SOS1: variants seen among roughly 807,000 people sequenced by gnomAD.
The protein encoded by SOS1 is son of sevenless homolog 1.
Under a neutral mutation model 157.6 loss-of-function variants are expected in SOS1, and 25 were observed. The observed-to-expected ratio is 0.16, with a 90% CI of 0.12 to 0.22. SOS1 has a LOEUF of 0.22. Ranked by LOEUF, SOS1 falls within the 10% of genes least tolerant of loss-of-function variation. The pLI, the probability that SOS1 is intolerant of heterozygous loss-of-function variation, is 1.00. For synonymous variants in SOS1, 528 were observed against 534.0 expected (o/e 0.99, Z 0.16); for missense variants, 1,237 against 1,599.1 (o/e 0.77, Z 3.86).
intron 1 of SOS1, among the ~76,000 whole-genome samples, chr2:39,069,448 C>T (rs530140468): frequency 2.6e-5 from 4 of 152,198 alleles, no homozygotes; most frequent in African/African-American, 9.6e-5. Context: ...TATATACATA[C>T]GTATGCATTC....
Position 38,995,144 on chromosome 2 carries a change from G to A in SOS1, c.3325C>T (p.His1109Tyr), listed in dbSNP as rs1452455488. 1.9e-6 allele frequency: 3 copies of A among 1,613,958 alleles called. No homozygotes were observed. Among genetic ancestry groups the A allele is most frequent in the Non-Finnish European group, 2.5e-6 (3 of 1,179,900 alleles). Residue 1109 changes from histidine (H) to tyrosine (Y), a missense_variant, in exon 20 of 23, where the codon CAT becomes TAT. His to Tyr is a moderately conservative substitution (Grantham distance 83). Around this residue, in one of 15 missense-constraint regions of SOS1, gnomAD observed 306 missense variants for 322.6 expected, o/e 0.95. Coordinates refer to ENST00000402219, the MANE Select transcript of SOS1 (RefSeq NM_005633.4). ...CTACTTGAGTGAAAAGGGCTCGAAT[G>A]ATCGGAATCAAATACACTGCAAACA... ...TDVCSVFDSD[H>Y]SSPFHSSNDT...
intron 17 of SOS1, among the ~76,000 whole-genome samples, chr2:39,003,611 A>T (rs1669182219): frequency 6.6e-6 from 1 of 152,370 alleles, no homozygotes; most frequent in South Asian, 2.1e-4. Context: ...TCAAACCAAA[A>T]ATACCCAGGA....
intron 4 of SOS1, 64 bp downstream of exon 4, chr2:39,056,638 C>A: frequency 1.0e-6 from 1 of 993,266 alleles, no homozygotes; most frequent in Middle Eastern, 2.4e-4. Context: ...ATGAATAGTA[C>A]GTTAGCATCT....
intron 8 of SOS1, among the ~76,000 whole-genome samples, chr2:39,030,429 G>C (rs1572837131): frequency 6.6e-6 from 1 of 151,994 alleles, no homozygotes; most frequent in Non-Finnish European, 1.5e-5. Flanking sequence ...AATTAGTTGG[G>C]CATGGTAGTG....
At chr2:39,003,066 CA>C (rs57338404) in intron 17 of SOS1, among the ~76,000 whole-genome samples, 11 of 72,290 alleles carry the variant, frequency 1.5e-4, no homozygotes, top group East Asian at 5.8e-4. Context: ...GACCTTGTAT[CA>C]AAAAAAAAAA....
chr2:39,106,515 C>T (rs1311735989), intron 1 of SOS1, among the ~76,000 whole-genome samples: 3 of 143,888 alleles, frequency 2.1e-5, no homozygotes, highest in Non-Finnish European at 4.5e-5. Flanking sequence ...GGCGTGAACC[C>T]GGGAGGCGGA....
Position 39,056,805 on chromosome 2 carries a change from T to C in SOS1, c.407A>G (p.Tyr136Cys), listed in dbSNP as rs1437526499. Reference protein sequence around the residue: ...VSVYIVAVLEYISADILKLVG... With the variant: ...VSVYIVAVLECISADILKLVG... Reference sequence around the variant, plus strand: ...CAGCTTTAAAATGTCTGCAGAAATGTATTCTAAGACTGCTACTATGTAAAC... The same window carrying C: ...CAGCTTTAAAATGTCTGCAGAAATGCATTCTAAGACTGCTACTATGTAAAC... Residue 136 changes from tyrosine to cysteine, a missense_variant, in exon 4 of 23, where the codon TAC (tyrosine) becomes TGC (cysteine). Physicochemically the swap from Tyr to Cys is radical, Grantham distance 194. Around this residue, in one of 15 missense-constraint regions of SOS1, gnomAD observed 37 missense variants for 38.5 expected, o/e 0.96. Transcript: ENST00000402219. 6.2e-7 allele frequency: 1 copy of C among 1,604,544 alleles called. No individual in the cohort carries two copies. Among genetic ancestry groups the C allele is most frequent in the Non-Finnish European group, 8.5e-7 (1 of 1,171,420 alleles).
At chr2:39,033,457 T>C in intron 8 of SOS1, among the ~76,000 whole-genome samples, 1 of 152,298 alleles carries the variant, frequency 6.6e-6, no homozygotes, top group East Asian at 1.9e-4. Context: ...AAATTTCTTT[T>C]ATATTATTAA....
At chr2:39,012,375 A>G (rs192629532) in intron 13 of SOS1, 27 bp from the exon 14 acceptor site, 2 of 1,034,382 alleles carry the variant, frequency 1.9e-6, no homozygotes, top group East Asian at 5.6e-5. Context: ...TTTAAATAAC[A>G]TTTAAATATT....
intron 13 of SOS1, among the ~76,000 whole-genome samples, chr2:39,012,869 T>G (rs1198416841): frequency 1.3e-5 from 2 of 152,280 alleles, no homozygotes; most frequent in South Asian, 4.1e-4. Context: ...ATTTTCTGAT[T>G]ATCATTTAGA....
intron 22 of SOS1, among the ~76,000 whole-genome samples, chr2:38,987,161 G>A (rs1668582407): frequency 6.6e-6 from 1 of 152,030 alleles, no homozygotes; most frequent in Non-Finnish European, 1.5e-5. Flanking sequence ...AAAGCTTCAG[G>A]ACTTTCTCTG....
intron 8 of SOS1, among the ~76,000 whole-genome samples, chr2:39,024,684 T>C (rs1326743161): frequency 6.6e-6 from 1 of 152,180 alleles, no homozygotes; most frequent in Non-Finnish European, 1.5e-5. Context: ...CTCTGAGTCT[T>C]ACTTTTCCCA....
chr2:39,085,305 C>T (rs1271589855), intron 1 of SOS1, among the ~76,000 whole-genome samples: 1 of 152,170 alleles, frequency 6.6e-6, no homozygotes, highest in East Asian at 1.9e-4. Context: ...GCCTTGGCCT[C>T]CCAAAGTATT....
Position 39,004,904 on chromosome 2 carries a change from T to A in SOS1, c.2791+1508A>T, listed in dbSNP as rs560352552. Among the ~76,000 whole-genome samples the A allele has an allele frequency of 2.0e-5, 3 of 151,868 alleles. No homozygotes were observed. In the South Asian group the frequency reaches 6.3e-4, roughly 32 times the overall value. ...CAAAATTGGAAACCATGGGATGAAA[T>A]TTGCTTTGTCATACACTTGATGGCA... On this transcript the variant is annotated intron_variant, in intron 17 of 22. Coordinates refer to ENST00000402219, the MANE Select transcript of SOS1 (RefSeq NM_005633.4).
chr2:39,000,065 T>A (rs890378027), intron 17 of SOS1, among the ~76,000 whole-genome samples: 5 of 151,990 alleles, frequency 3.3e-5, no homozygotes, highest in African/African-American at 7.3e-5. Flanking sequence ...AGAGGTAGAC[T>A]CCCCAAGAAC....
chr2:39,040,137 G>A (rs1363833298), intron 6 of SOS1, among the ~76,000 whole-genome samples: 3 of 151,270 alleles, frequency 2.0e-5, no homozygotes, highest in Non-Finnish European at 4.4e-5. Context: ...TCAGCCTCCC[G>A]AGTAGCTGGG....
intron 1 of SOS1, among the ~76,000 whole-genome samples, chr2:39,087,649 T>C (rs2148181694): frequency 6.6e-6 from 1 of 152,302 alleles, no homozygotes; most frequent in Non-Finnish European, 1.5e-5. Context: ...GATGATCAAA[T>C]GAGATCACAT....
intron 22 of SOS1, among the ~76,000 whole-genome samples, chr2:38,986,964 C>T (rs1226427036): frequency 1.3e-5 from 2 of 148,590 alleles, no homozygotes; most frequent in South Asian, 4.2e-4. Context: ...AACAGCTGGC[C>T]AAAAAGAAAA....
At chr2:39,090,696 A>AAAACAAAC (rs201702046) in intron 1 of SOS1, among the ~76,000 whole-genome samples, 5 of 152,098 alleles carry the variant, frequency 3.3e-5, no homozygotes, top group South Asian at 2.1e-4. Flanking sequence ...CCTCTATCTC[A>AAAACAAAC]AAACAAACAA....
Sources: gnomAD v4.1 joint callset for allele counts (sites outside exome capture counted in the v4.1 genomes callset) on GRCh38, gnomAD v4.1.1 for gene constraint, gnomAD v4.1.1 regional missense constraint, MANE v1.5 for transcripts, NCBI Gene and HGNC (gene_info 2026-07-23, HGNC 2026-07-21) for gene names.